Variants in GRAMD2B observed in about 807,000 individuals in gnomAD.
GRAMD2B encodes the protein GRAM domain-containing protein 2B.
Under a neutral mutation model 59.2 loss-of-function variants are expected in GRAMD2B, and 41 were observed. The ratio of observed to expected loss-of-function variants is 0.69; its 90% confidence interval spans 0.54 to 0.90. The LOEUF is 0.90. Ranked by LOEUF, GRAMD2B falls within the 40% of genes least tolerant of loss-of-function variation. The pLI is 0.00. For missense variants in GRAMD2B, 424 were observed against 500.5 expected (o/e 0.85, Z 1.46); for synonymous variants, 161 against 182.7 (o/e 0.88, Z 0.96).
chr5:126,453,995 T>C (rs1765822193), intron 1 of GRAMD2B, among the ~76,000 whole-genome samples: 1 of 152,222 alleles, frequency 6.6e-6, no homozygotes, highest in Non-Finnish European at 1.5e-5. Flanking sequence ...TGGAAGTCAG[T>C]ATAAAAGTGG....
chr5:126,451,589 A>C (rs1473381603), intron 1 of GRAMD2B, among the ~76,000 whole-genome samples: 1 of 152,144 alleles, frequency 6.6e-6, no homozygotes, highest in Non-Finnish European at 1.5e-5. Flanking sequence ...TGAGTCTCTT[A>C]CGAGACTTAG....
At chr5:126,388,675 C>T (rs903431874) in intron 1 of GRAMD2B, among the ~76,000 whole-genome samples, 5 of 150,622 alleles carry the variant, frequency 3.3e-5, no homozygotes, top group African/African-American at 7.3e-5. Flanking sequence ...TAATTCAGCA[C>T]ACTAGATTAT....
At chr5:126,413,804 G>A (rs1443131272) in intron 1 of GRAMD2B, among the ~76,000 whole-genome samples, 7 of 152,134 alleles carry the variant, frequency 4.6e-5, no homozygotes, top group Admixed American at 4.6e-4. Flanking sequence ...ATATATTCAG[G>A]ATAGTTAAGA....
chr5:126,470,008 G>GCCACACA (rs1769247914), intron 3 of GRAMD2B, among the ~76,000 whole-genome samples: 1 of 152,188 alleles, frequency 6.6e-6, no homozygotes, highest in Non-Finnish European at 1.5e-5. Context: ...ATGGTAGTGA[G>GCCACACA]TTCCATGCTG....
intron 12 of GRAMD2B, 46 bp downstream of exon 12, chr5:126,487,023 A>G: frequency 1.0e-6 from 1 of 1,003,112 alleles, no homozygotes; most frequent in South Asian, 1.3e-5. Flanking sequence ...ATTCTGCTTA[A>G]TATAATAATT....
chr5:126,421,054 TA>T (rs1343539656), upstream of GRAMD2B, among the ~76,000 whole-genome samples: 3 of 152,058 alleles, frequency 2.0e-5, no homozygotes, highest in African/African-American at 7.2e-5. Flanking sequence ...AGACAGAAAG[TA>T]AACTAGAGGC....
At chr5:126,438,911 C>G (rs1372052495) in intron 1 of GRAMD2B, among the ~76,000 whole-genome samples, 1 of 152,092 alleles carries the variant, frequency 6.6e-6, no homozygotes, top group East Asian at 1.9e-4. Flanking sequence ...GGCTGAAACA[C>G]ACAGGTGGTG....
intron 1 of GRAMD2B, among the ~76,000 whole-genome samples, chr5:126,463,502 A>G (rs1435647556): frequency 2.0e-5 from 3 of 152,208 alleles, no homozygotes; most frequent in Non-Finnish European, 4.4e-5. Flanking sequence ...ATAAAGTCCA[A>G]TTATTATTTT....
At chr5:126,373,056 C>CA (rs1754899263) in intron 1 of GRAMD2B, among the ~76,000 whole-genome samples, 1 of 151,978 alleles carries the variant, frequency 6.6e-6, no homozygotes, top group African/African-American at 2.4e-5. Context: ...AAGCCTCTTG[C>CA]AAAAAAAGCT....
chr5:126,458,112 C>T (rs1168560725), intron 1 of GRAMD2B, among the ~76,000 whole-genome samples: 1 of 152,082 alleles, frequency 6.6e-6, no homozygotes, highest in Non-Finnish European at 1.5e-5. Context: ...AAAGAAATGG[C>T]AATCCTTGGT....
At chr5:126,482,743 CT>C (rs1676515305) in intron 8 of GRAMD2B, among the ~76,000 whole-genome samples, 1 of 152,196 alleles carries the variant, frequency 6.6e-6, no homozygotes, top group Non-Finnish European at 1.5e-5. Context: ...TGAGTCTCTT[CT>C]TCATTTGGCA....
At chr5:126,371,409 G>A (rs1440418410) in exon 1 of GRAMD2B, 4 of 1,270,428 alleles carry the variant, frequency 3.1e-6, no homozygotes, top group Non-Finnish European at 4.1e-6. Flanking sequence ...AGCTTTTAAG[G>A]TTGTTCCTTG....
chr5:126,393,906 C>T lies in GRAMD2B; in HGVS notation c.125+22339C>T, dbSNP rs149524351. Among the ~76,000 whole-genome samples, 459 of 152,232 alleles carry T rather than the reference C, an allele frequency of 3.0e-3. 1 individual carries two copies. The highest frequency in any genetic ancestry group is 0.01 in the African/African-American group (416 of 41,534). ...CATCCTGAGTACCATGTAAAGGTGACTATCTGGTATGTGCTCAGAAGGGAC... is the reference window on the plus strand; with the variant it reads ...CATCCTGAGTACCATGTAAAGGTGATTATCTGGTATGTGCTCAGAAGGGAC... On this transcript the variant is annotated intron_variant, in intron 1 of 8. Transcript: ENST00000506445.
intron 1 of GRAMD2B, among the ~76,000 whole-genome samples, chr5:126,464,143 T>C (rs1271732336): frequency 6.6e-6 from 1 of 152,228 alleles, no homozygotes; most frequent in Non-Finnish European, 1.5e-5. Context: ...AGGCTGCAAT[T>C]TTCATATGCT....
intron 1 of GRAMD2B, among the ~76,000 whole-genome samples, chr5:126,459,869 A>G (rs1767020924): frequency 6.6e-6 from 1 of 152,194 alleles, no homozygotes; most frequent in African/African-American, 2.4e-5. Context: ...ACCGAGGGCA[A>G]TTTGGCAATA....
chr5:126,383,688 A>G (rs1413768645), intron 1 of GRAMD2B, among the ~76,000 whole-genome samples: 8 of 152,230 alleles, frequency 5.3e-5, no homozygotes, highest in Admixed American at 5.2e-4. Context: ...ATACAGCCAG[A>G]TACATGACCA....
intron 1 of GRAMD2B, among the ~76,000 whole-genome samples, chr5:126,426,890 C>A (rs958627942): frequency 5.9e-5 from 9 of 152,138 alleles, no homozygotes; most frequent in Middle Eastern, 3.2e-3. Flanking sequence ...CACTCATCAC[C>A]GAACTGCATA....
At chr5:126,464,208 C>T (rs1767895730) in intron 1 of GRAMD2B, among the ~76,000 whole-genome samples, 1 of 152,176 alleles carries the variant, frequency 6.6e-6, no homozygotes, top group Non-Finnish European at 1.5e-5. Context: ...GTGGCATTTC[C>T]TGCCTGCACA....
intron 1 of GRAMD2B, among the ~76,000 whole-genome samples, chr5:126,390,868 T>C (rs987596789): frequency 7.2e-5 from 11 of 152,340 alleles, no homozygotes; most frequent in Non-Finnish European, 1.6e-4. Flanking sequence ...CCATTTTCCA[T>C]GTAGGAAACT....
Sources: allele counts gnomAD v4.1 joint callset (sites outside exome capture counted in the v4.1 genomes callset), GRCh38; gene constraint gnomAD v4.1.1; transcripts MANE v1.5; gene names NCBI Gene and HGNC (gene_info 2026-07-23, HGNC 2026-07-21).